NAALADL2: variants seen among roughly 807,000 people sequenced by gnomAD.
NAALADL2 encodes the protein N-acetylated alpha-linked acidic dipeptidase like 2.
Under a neutral mutation model 87.2 loss-of-function variants are expected in NAALADL2, and 76 were observed. The observed-to-expected ratio is 0.87, with a 90% CI of 0.72 to 1.05. The LOEUF (loss-of-function observed/expected upper bound fraction) is 1.05. NAALADL2 is among the 50% of genes least tolerant of loss of function. The pLI is 0.00. For missense variants in NAALADL2, 1,089 were observed against 945.8 expected, an observed-to-expected ratio of 1.15 and a Z score of -1.99; for synonymous variants, 354 against 331.0, an observed-to-expected ratio of 1.07 and a Z score of -0.75.
At chr3:175,674,959 C>A (rs932095881) in intron 11 of NAALADL2, 1 of 152,064 alleles carries the variant, frequency 6.6e-6, no homozygotes, top group Non-Finnish European at 1.5e-5. Flanking sequence ...AAGTATAATA[C>A]TGCTACATGC....
chr3:175,507,342 C>T (rs947059097), intron 9 of NAALADL2, among the ~76,000 whole-genome samples: 12 of 152,150 alleles, frequency 7.9e-5, no homozygotes, highest in African/African-American at 2.4e-4. Context: ...CATTTTGGTT[C>T]CCATGTCCAG....
At chr3:175,496,382 T>A (rs9835878) in intron 9 of NAALADL2, among the ~76,000 whole-genome samples, 78,006 of 151,058 alleles carry the variant, frequency 0.52, 22,063 homozygotes, top group East Asian at 0.63. Context: ...TTTTTTATTT[T>A]AAAAAAATAA....
intron 9 of NAALADL2, among the ~76,000 whole-genome samples, chr3:175,531,061 G>T (rs1734030734): frequency 6.6e-6 from 1 of 152,102 alleles, no homozygotes; most frequent in Non-Finnish European, 1.5e-5. Flanking sequence ...AACTACCACT[G>T]ATACCTCAAG....
At chr3:174,603,441 A>T (rs1331885706) in intron 2 of NAALADL2, among the ~76,000 whole-genome samples, 1 of 151,904 alleles carries the variant, frequency 6.6e-6, no homozygotes, top group East Asian at 1.9e-4. Flanking sequence ...TTTCTGTGAT[A>T]TCAGTTGTAA....
intron 1 of NAALADL2, among the ~76,000 whole-genome samples, chr3:174,989,674 A>C (rs965727104): frequency 6.6e-6 from 1 of 152,194 alleles, no homozygotes; most frequent in African/African-American, 2.4e-5. Flanking sequence ...ATGAGTTTAA[A>C]GGCTATAACT....
At chr3:175,220,921 C>T (rs556603299) in intron 2 of NAALADL2, among the ~76,000 whole-genome samples, 43 of 152,162 alleles carry the variant, frequency 2.8e-4, no homozygotes, top group Non-Finnish European at 5.6e-4. Context: ...TTAGGCTGGG[C>T]GTGGTGGCTC....
intron 3 of NAALADL2, among the ~76,000 whole-genome samples, chr3:174,812,853 GA>G (rs1227610351): frequency 7.9e-5 from 12 of 151,530 alleles, no homozygotes; most frequent in South Asian, 6.3e-4. Context: ...AAGATATAAA[GA>G]AAAAAATTTT....
chr3:175,553,012 G>T (rs1325777518), intron 9 of NAALADL2, among the ~76,000 whole-genome samples: 1 of 151,980 alleles, frequency 6.6e-6, no homozygotes, highest in Non-Finnish European at 1.5e-5. Flanking sequence ...TAAAGATTTA[G>T]ATTTACCCTT....
At chr3:175,683,006 T>G (rs145216152) in intron 11 of NAALADL2, among the ~76,000 whole-genome samples, 85 of 152,066 alleles carry the variant, frequency 5.6e-4, no homozygotes, top group African/African-American at 2.0e-3. Flanking sequence ...AACACTCTTG[T>G]GTTTGCTGGA....
intron 2 of NAALADL2, among the ~76,000 whole-genome samples, chr3:175,150,965 C>A (rs2108781188): frequency 6.6e-6 from 1 of 152,166 alleles, no homozygotes; most frequent in South Asian, 2.1e-4. Context: ...TGAATATAAG[C>A]CTATAATTAG....
At chr3:174,528,173 T>A (rs80220260) in intron 1 of NAALADL2, among the ~76,000 whole-genome samples, 11,919 of 152,266 alleles carry the variant, frequency 0.078, 1,104 homozygotes, top group East Asian at 0.38. Flanking sequence ...CTATCTCTTT[T>A]GAGAATATTT....
At chr3:175,017,940 C>T (rs951504703) in intron 1 of NAALADL2, among the ~76,000 whole-genome samples, 5 of 151,958 alleles carry the variant, frequency 3.3e-5, no homozygotes, top group Non-Finnish European at 7.4e-5. Context: ...TTCATTACTG[C>T]AGGAAATCAG....
intron 5 of NAALADL2, among the ~76,000 whole-genome samples, chr3:175,446,219 G>T (rs1302842475): frequency 1.5e-5 from 2 of 132,976 alleles, no homozygotes; most frequent in Non-Finnish European, 3.1e-5. Context: ...CATCTGAGGA[G>T]TCCAGGCAAT....
chr3:174,930,614 C>CTTTTTTTTGTT (rs1736721571), intron 1 of NAALADL2, among the ~76,000 whole-genome samples: 1 of 66,798 alleles, frequency 1.5e-5, no homozygotes, highest in African/African-American at 6.3e-5. Context: ...ATAAGATGAA[C>CTTTTTTTTGTT]TTTTTTTTTT....
At chr3:174,739,706 T>C (rs144322770) in intron 3 of NAALADL2, among the ~76,000 whole-genome samples, 12 of 152,202 alleles carry the variant, frequency 7.9e-5, no homozygotes, top group Admixed American at 7.9e-4. Flanking sequence ...AGTCCAGCCA[T>C]GTTGGCCATG....
rs771399308 is a variant in NAALADL2 at position 175,097,000 on chromosome 3, A to G, written c.254A>G (p.Asp85Gly). 3 of 1,613,552 alleles carry G rather than the reference A, an allele frequency of 1.9e-6. No homozygotes were observed. Among genetic ancestry groups the G allele is most frequent in the Non-Finnish European group, 2.5e-6 (3 of 1,179,680 alleles). ...GHSETIDLNL[D>G]SIQPATSPKG... ...TCAGAGACTATAGACCTCAATCTTG[A>G]TTCCATTCAACCAGCAACTTCACCC... The change falls in exon 2 of 14, where the codon GAT becomes GGT. Residue 85 changes from aspartate (D) to glycine (G), a missense_variant. Physicochemically the swap from Asp to Gly is moderately conservative, Grantham distance 94. Transcript: ENST00000454872.
intron 1 of NAALADL2, among the ~76,000 whole-genome samples, chr3:174,903,991 A>ATCTATATCTATATCTATT (rs1732646484): frequency 6.7e-6 from 1 of 149,516 alleles, no homozygotes; most frequent in African/African-American, 2.5e-5. Flanking sequence ...CTATTTCTAT[A>ATCTATATCTATATCTATT]TCTATATCTA....
intron 5 of NAALADL2, among the ~76,000 whole-genome samples, chr3:175,443,899 G>A (rs986394818): frequency 1.3e-5 from 2 of 152,192 alleles, no homozygotes; most frequent in Non-Finnish European, 2.9e-5. Flanking sequence ...GGTTGCCAGA[G>A]AAAGCTTCAC....
chr3:175,312,233 A>G (rs988703674), intron 4 of NAALADL2, among the ~76,000 whole-genome samples: 8 of 152,192 alleles, frequency 5.3e-5, no homozygotes, highest in African/African-American at 1.9e-4. Flanking sequence ...CTAAGAAGTG[A>G]TTATATATTA....
Sources: gnomAD v4.1 joint callset for allele counts (sites outside exome capture counted in the v4.1 genomes callset) on GRCh38, gnomAD v4.1.1 for gene constraint, MANE v1.5 for transcripts, NCBI Gene and HGNC (gene_info 2026-07-23, HGNC 2026-07-21) for gene names.